The following TIAM1 variants were observed in gnomAD, a reference collection of about 807,000 sequenced individuals.
The protein encoded by TIAM1 is TIAM Rac1 associated GEF 1.
In TIAM1, 65 loss-of-function variants were observed where a neutral mutation model predicts 163.5. That is an observed-to-expected ratio of 0.40 (90% CI 0.33 to 0.49). The LOEUF is 0.49. TIAM1 is among the 20% of genes least tolerant of loss of function. The pLI is 0.77. For missense variants in TIAM1, 1,789 were observed against 2,044.7 expected (o/e 0.87, Z 2.41); for synonymous variants, 833 against 810.1 (o/e 1.03, Z -0.48).
rs112908703 is a variant in TIAM1, at chr21:31,506,261, T to TACAC, written c.-421-42230_-421-42227dup. Among the ~76,000 whole-genome samples, 793 of 148,596 alleles carry TACAC rather than the reference T, an allele frequency of 5.3e-3. 1 individual carries two copies. Among genetic ancestry groups the TACAC allele is most frequent in the Middle Eastern group, 0.01 (3 of 288 alleles). On this transcript the variant is annotated intron_variant, in intron 1 of 28. Transcript: ENST00000286827. ...CTAAACTCACGCACTCTCACACACG[T>TACAC]ACACACACACACACACACACATATG...
At chr21:31,468,085 TAA>T (rs11443773) in intron 1 of TIAM1, among the ~76,000 whole-genome samples, 1 of 139,632 alleles carries the variant, frequency 7.2e-6, no homozygotes. Context: ...GCGAAACTCT[TAA>T]AAAAAAAAAA....
At chr21:31,212,210 C>T (rs528932213) in intron 10 of TIAM1, among the ~76,000 whole-genome samples, 14 of 152,058 alleles carry the variant, frequency 9.2e-5, no homozygotes, top group Non-Finnish European at 1.3e-4. Flanking sequence ...TTCCCATGGC[C>T]ACTCTTCTCT....
intron 16 of TIAM1, among the ~76,000 whole-genome samples, chr21:31,164,130 C>T (rs1350262539): frequency 6.6e-6 from 1 of 152,132 alleles, no homozygotes; most frequent in East Asian, 1.9e-4. Flanking sequence ...GTGGCTCACG[C>T]CTGTAATCCC....
intron 1 of TIAM1, among the ~76,000 whole-genome samples, chr21:31,551,347 T>C (rs946610049): frequency 1.3e-5 from 2 of 151,350 alleles, no homozygotes. Flanking sequence ...GGTGGAGAGA[T>C]TGCACCAAGC....
intron 2 of TIAM1, among the ~76,000 whole-genome samples, chr21:31,294,540 T>C (rs1050074166): frequency 6.6e-6 from 1 of 152,210 alleles, no homozygotes; most frequent in Non-Finnish European, 1.5e-5. Context: ...AATCAGTTAA[T>C]TTCTCTGTGG....
intron 2 of TIAM1, among the ~76,000 whole-genome samples, chr21:31,294,330 C>G (rs960417073): frequency 2.0e-5 from 3 of 152,204 alleles, no homozygotes; most frequent in Non-Finnish European, 4.4e-5. Flanking sequence ...CCTCCAAGCC[C>G]TAACTATACC....
At chr21:31,518,691 C>T (rs2047464907) in intron 1 of TIAM1, among the ~76,000 whole-genome samples, 1 of 152,098 alleles carries the variant, frequency 6.6e-6, no homozygotes, top group Non-Finnish European at 1.5e-5. Context: ...GCCAGTATCA[C>T]CCCCACTGTA....
intron 2 of TIAM1, among the ~76,000 whole-genome samples, chr21:31,353,813 T>TTTTATTTA (rs1324044375): frequency 6.9e-6 from 1 of 144,332 alleles, no homozygotes; most frequent in Non-Finnish European, 1.5e-5. Flanking sequence ...ATTTATTTGT[T>TTTTATTTA]TTTATTTATT....
At chr21:31,222,393 C>T (rs955210554) in intron 8 of TIAM1, among the ~76,000 whole-genome samples, 8 of 151,992 alleles carry the variant, frequency 5.3e-5, no homozygotes, top group African/African-American at 9.7e-5. Context: ...CAAAGCTGCT[C>T]GCAATTTAGC....
intron 1 of TIAM1, among the ~76,000 whole-genome samples, chr21:31,528,256 T>C (rs2047851936): frequency 6.6e-6 from 1 of 152,188 alleles, no homozygotes; most frequent in Non-Finnish European, 1.5e-5. Flanking sequence ...GGCTCATCCC[T>C]ATACTCCCAG....
chr21:31,522,932 C>T (rs1474322724), intron 1 of TIAM1, among the ~76,000 whole-genome samples: 2 of 152,138 alleles, frequency 1.3e-5, no homozygotes, highest in African/African-American at 2.4e-5. Flanking sequence ...CAAATTCTGT[C>T]GTTTAAATTT....
At chr21:31,256,844 T>G (rs1033167613) in intron 4 of TIAM1, among the ~76,000 whole-genome samples, 3 of 152,178 alleles carry the variant, frequency 2.0e-5, no homozygotes, top group Non-Finnish European at 2.9e-5. Context: ...AAAAGTGTCT[T>G]AAACTGAGCC....
intron 15 of TIAM1, among the ~76,000 whole-genome samples, chr21:31,168,826 G>C (rs1254771588): frequency 6.6e-6 from 1 of 152,142 alleles, no homozygotes; most frequent in Non-Finnish European, 1.5e-5. Context: ...CCCAGAGATA[G>C]AGCTTGGTCA....
At chr21:31,478,886 A>G (rs1292967630) in intron 1 of TIAM1, among the ~76,000 whole-genome samples, 1 of 152,236 alleles carries the variant, frequency 6.6e-6, no homozygotes, top group Non-Finnish European at 1.5e-5. Flanking sequence ...AAAGATGACT[A>G]CATCACCCAA....
chr21:31,521,377 G>A (rs1350585190), intron 1 of TIAM1, among the ~76,000 whole-genome samples: 1 of 152,034 alleles, frequency 6.6e-6, no homozygotes, highest in African/African-American at 2.4e-5. Context: ...CATGACCCTG[G>A]GCAAAGTACT....
intron 10 of TIAM1, among the ~76,000 whole-genome samples, chr21:31,210,653 GAAAGAAAGAAAGAAAA>G (rs2086745485): frequency 7.9e-5 from 2 of 25,278 alleles, no homozygotes; most frequent in Admixed American, 7.3e-4. Flanking sequence ...AAGAAAGAAA[GAAAGAAAGAAAGAAAA>G]AGAAAGAAAG....
At chr21:31,474,960 T>C (rs1444175782) in intron 1 of TIAM1, among the ~76,000 whole-genome samples, 1 of 151,834 alleles carries the variant, frequency 6.6e-6, no homozygotes, top group Non-Finnish European at 1.5e-5. Flanking sequence ...GGAAGATAAT[T>C]GGAGACCCAC....
intron 14 of TIAM1, among the ~76,000 whole-genome samples, 198 bp downstream of exon 14, chr21:31,186,803 A>T (rs2085327399): frequency 6.6e-6 from 1 of 152,186 alleles, no homozygotes; most frequent in African/African-American, 2.4e-5. Context: ...AAAGAAAAAA[A>T]AAGTTCAAGA....
chr21:31,330,710 A>G (rs529733329), intron 2 of TIAM1, among the ~76,000 whole-genome samples: 320 of 152,292 alleles, frequency 2.1e-3, no homozygotes, highest in African/African-American at 7.4e-3. Flanking sequence ...GGTTCTCTGT[A>G]TGTTTTTAAT....
Sources: gnomAD v4.1 joint callset for allele counts (sites outside exome capture counted in the v4.1 genomes callset) on GRCh38, gnomAD v4.1.1 for gene constraint, MANE v1.5 for transcripts, NCBI Gene and HGNC (gene_info 2026-07-23, HGNC 2026-07-21) for gene names.